Variants in NFIC observed in about 807,000 individuals in gnomAD.
NFIC encodes nuclear factor I C.
In NFIC, 12 loss-of-function variants were observed where a neutral mutation model predicts 54.4. The ratio of observed to expected loss-of-function variants is 0.22; its 90% CI spans 0.14 to 0.36. The LOEUF is 0.36. Ranked by LOEUF, NFIC falls within the 10% of genes least tolerant of loss-of-function variation. NFIC has a pLI of 1.00. For missense variants in NFIC, 575 were observed against 718.2 expected (o/e 0.80, Z 2.28); for synonymous variants, 322 against 319.2 (o/e 1.01, Z -0.09).
At chr19:3,386,367 G>C (rs866100466) in intron 2 of NFIC, among the ~76,000 whole-genome samples, 27 of 139,184 alleles carry the variant, frequency 1.9e-4, no homozygotes, top group African/African-American at 7.3e-4. Flanking sequence ...CTGTCACCCA[G>C]GCTGGAGTGC....
At position 3,420,414 on chromosome 19, in the gene NFIC, T is replaced by C. The variant is rs371154473; in HGVS notation, c.563-4692T>C. Among the ~76,000 whole-genome samples the C allele has an allele frequency of 1.3e-5, 2 of 152,030 alleles. 1 individual carries two copies. The highest frequency in any genetic ancestry group is 4.8e-5 in the African/African-American group (2 of 41,468). On this transcript the variant is annotated intron_variant, in intron 2 of 10. Transcript: ENST00000443272. ...CAAAAATTAGCTGGGCGTGTGGGCG[T>C]GGTGGCACGTGCCTGTAATCCCAGC...
At chr19:3,402,956 T>C (rs1437177689) in intron 2 of NFIC, among the ~76,000 whole-genome samples, 1 of 152,132 alleles carries the variant, frequency 6.6e-6, no homozygotes, top group East Asian at 1.9e-4. Flanking sequence ...TCCTCCACTT[T>C]GACTACTCCC....
chr19:3,388,463 T>A (rs1326959350), intron 2 of NFIC, among the ~76,000 whole-genome samples: 3 of 151,662 alleles, frequency 2.0e-5, no homozygotes, highest in African/African-American at 7.3e-5. Flanking sequence ...TGGACAAGAG[T>A]CACTTGTCCA....
rs1278113138 is a variant in NFIC, at chr19:3,463,599, GTC to G, written c.*834_*835del. 1.0e-5 allele frequency: 10 copies of G among 985,022 alleles called. No individual in the cohort carries two copies. Among genetic ancestry groups the G allele is most frequent in the African/African-American group, 1.7e-5 (1 of 57,146 alleles). The allele number at this position is 985,022 out of a possible 1,614,324, so 61.0% of individuals were successfully genotyped here. A position where few individuals can be genotyped will look rare whatever the true frequency, so the allele number is the denominator to read the frequency against. ...CGCGCCCGCCCGTTTGGGAGGAGAA[GTC>G]TCTATGCAATTGGCCCCGGCCCCTC... is the stretch of plus-strand genomic sequence containing the variant. On this transcript the variant is annotated 3_prime_UTR_variant, in exon 11 of 11. Coordinates refer to ENST00000443272, the MANE Select transcript of NFIC (RefSeq NM_001245002.2).
At chr19:3,378,375 C>T (rs1056159449) in intron 1 of NFIC, among the ~76,000 whole-genome samples, 5 of 152,054 alleles carry the variant, frequency 3.3e-5, no homozygotes, top group Admixed American at 3.3e-4. Flanking sequence ...GGATTACAGG[C>T]GTTAGCCATA....
upstream of NFIC, chr19:3,366,556 C>CGGGGGGGGGGGGGGGGGGGGG: frequency 2.0e-6 from 1 of 490,742 alleles, no homozygotes; most frequent in Non-Finnish European, 2.9e-6. Flanking sequence ...TTGGGGGGGG[C>CGGGGGGGGGGGGGGGGGGGGG]GGGGGGGTGG....
chr19:3,414,949 C>T lies in NFIC; in HGVS notation c.563-10157C>T, dbSNP rs2081828961. ...CTGCCTCCTGGGTTCAAGCGATTCT[C>T]CTGCCTCAACCTCCCAAGTAGCTGG... On this transcript the variant is annotated intron_variant, in intron 2 of 10. Coordinates refer to ENST00000443272, the MANE Select transcript of NFIC (RefSeq NM_001245002.2). 2.0e-5 allele frequency among the ~76,000 whole-genome samples: 3 copies of T among 152,036 alleles called. No individual in the cohort carries two copies. In the South Asian group the frequency reaches 6.2e-4, roughly 32 times the overall value.
At chr19:3,366,507 G>A (rs2080885238), upstream of NFIC, 5 of 463,658 alleles carry the variant, frequency 1.1e-5, no homozygotes, top group African/African-American at 2.4e-5. Context: ...GGGAGGAGGC[G>A]GCGAGGAGAG....
intron 2 of NFIC, among the ~76,000 whole-genome samples, chr19:3,392,904 G>A (rs1250308943): frequency 1.3e-5 from 2 of 152,228 alleles, no homozygotes; most frequent in East Asian, 1.9e-4. Flanking sequence ...CCCAGGAAGG[G>A]CCTTGGCTCT....
At position 3,371,984 on chromosome 19, in the gene NFIC, TCTCCCTCTCTCTCC is replaced by T. The variant is rs1271820943; in HGVS notation, c.30+5322_30+5335del. On this transcript the variant is annotated intron_variant, in intron 1 of 10. Coordinates refer to ENST00000443272, the MANE Select transcript of NFIC (RefSeq NM_001245002.2). ...CCTTCTTTCCTTCTCTTTCTCTCTC[TCTCCCTCTCTCTCC>T]CTCTCTCTCTCTCTCTCTCTCTCTC... Among the ~76,000 whole-genome samples the T allele has an allele frequency of 7.8e-4, 53 of 67,948 alleles. 1 individual carries two copies. The highest frequency in any genetic ancestry group is 1.2e-3 in the Non-Finnish European group (42 of 36,020). The allele number at this position is 67,948 out of a possible 152,430, so 44.6% of individuals were successfully genotyped here. A position where few individuals can be genotyped will look rare whatever the true frequency, so the allele number is the denominator to read the frequency against.
At chr19:3,406,807 G>T (rs1015050419) in intron 2 of NFIC, among the ~76,000 whole-genome samples, 1 of 152,154 alleles carries the variant, frequency 6.6e-6, no homozygotes, top group Non-Finnish European at 1.5e-5. Context: ...ATTCTGTGCC[G>T]GGAGCTGTGG....
intron 6 of NFIC, 82 bp from the exon 7 acceptor site, chr19:3,448,932 C>T: frequency 1.3e-6 from 2 of 1,523,044 alleles, no homozygotes; most frequent in Non-Finnish European, 1.8e-6. Context: ...CTTCCTATCC[C>T]TTCGGAGGCT....
intron 2 of NFIC, among the ~76,000 whole-genome samples, chr19:3,414,558 G>T (rs549455110): frequency 8.2e-4 from 124 of 151,636 alleles, no homozygotes; most frequent in African/African-American, 2.8e-3. Context: ...TCACGTCACC[G>T]CACTCCAGTC....
chr19:3,398,764 T>TTTATG, intron 2 of NFIC, among the ~76,000 whole-genome samples: 1 of 152,168 alleles, frequency 6.6e-6, no homozygotes, highest in South Asian at 2.1e-4. Context: ...ATGTAACCAG[T>TTTATG]TTATGCAAGG....
chr19:3,380,133 T>C (rs1199240556), intron 1 of NFIC, among the ~76,000 whole-genome samples: 1 of 151,588 alleles, frequency 6.6e-6, no homozygotes, highest in Non-Finnish European at 1.5e-5. Context: ...CCTGAGTAGC[T>C]GGGACTACAG....
At chr19:3,454,415 C>A in intron 9 of NFIC, 1 of 292,360 alleles carries the variant, frequency 3.4e-6, no homozygotes, top group Non-Finnish European at 5.1e-6. Flanking sequence ...CTTTGGGTGA[C>A]CTGGGCTGGA....
chr19:3,434,471 C>T, intron 5 of NFIC, 71 bp downstream of exon 5: 1 of 1,491,552 alleles, frequency 6.7e-7, no homozygotes. Flanking sequence ...CTGGCCCGAG[C>T]TGACTCATTC....
Position 3,425,119 on chromosome 19 carries a change from C to T in NFIC, c.576C>T (p.Ser192=), listed in dbSNP as rs2082007451. The stretch of plus-strand genomic sequence containing the variant: ...CTCTCTTTGCAGATGCAGAGCAAAG[C>T]GGCAGTCCCCGGACAGGGATGGGCT... ...YFVRERDAEQ[S]GSPRTGMGSD... The change falls in exon 3 of 11, where the codon AGC becomes AGT. Residue 192 remains serine (S), a synonymous_variant. Transcript: ENST00000443272. 3.1e-6 allele frequency: 5 copies of T among 1,613,270 alleles called. No individual in the cohort carries two copies. Among genetic ancestry groups the T allele is most frequent in the East Asian group, 2.2e-5 (1 of 44,866 alleles).
intron 2 of NFIC, among the ~76,000 whole-genome samples, chr19:3,403,822 CCG>C (rs1179675638): frequency 6.6e-6 from 1 of 151,974 alleles, no homozygotes; most frequent in Non-Finnish European, 1.5e-5. Context: ...CCGCCTCCTC[CCG>C]CCACCCCCCG....
Sources: gnomAD v4.1 joint callset for allele counts (sites outside exome capture counted in the v4.1 genomes callset) on GRCh38, gnomAD v4.1.1 for gene constraint, MANE v1.5 for transcripts, NCBI Gene and HGNC (gene_info 2026-07-23, HGNC 2026-07-21) for gene names.